The following CFAP119 variants were observed in gnomAD, a reference collection of about 807,000 sequenced individuals.
The protein encoded by CFAP119 is cilia- and flagella-associated protein 119.
chr16:30,760,470 G>A, the CFAP119 span: 3 of 1,613,400 alleles, frequency 1.9e-6, no homozygotes, highest in Non-Finnish European at 2.5e-6. Flanking sequence ...AGGGAGAGAG[G>A]AGTGAGTGAC....
the CFAP119 span, chr16:30,761,580 TCGC>T: frequency 5.2e-6 from 8 of 1,536,104 alleles, no homozygotes; most frequent in Non-Finnish European, 7.0e-6. Flanking sequence ...TCATCCGCTT[TCGC>T]CGCCGCCGCC....
the CFAP119 span, chr16:30,759,735 A>G: frequency 1.2e-6 from 2 of 1,602,456 alleles, no homozygotes; most frequent in East Asian, 2.2e-5. Context: ...CTGGTAGGGA[A>G]AGCAAGATGC....
At chr16:30,757,706 T>C in the CFAP119 span, 9 of 1,554,352 alleles carry the variant, frequency 5.8e-6, no homozygotes, top group African/African-American at 1.2e-4. Flanking sequence ...TGTCTGGCAA[T>C]GGGGGGATGG....
At chr16:30,760,910 A>G in the CFAP119 span, 1 of 615,610 alleles carries the variant, frequency 1.6e-6, no homozygotes, top group Non-Finnish European at 2.9e-6. Context: ...ACTACCTTGT[A>G]TGACCTTGGT....
the CFAP119 span, chr16:30,759,219 A>G: frequency 1.9e-6 from 3 of 1,614,148 alleles, no homozygotes; most frequent in Non-Finnish European, 2.5e-6. Flanking sequence ...CTGTAGCCCC[A>G]TGTAAGTCAA....
At chr16:30,757,783 C>T in the CFAP119 span, 2 of 1,431,356 alleles carry the variant, frequency 1.4e-6, no homozygotes, top group African/African-American at 1.4e-5. Context: ...ATGTTGTTTC[C>T]CTTTAGGAAA....
At chr16:30,761,197 C>A in the CFAP119 span, 2 of 1,613,970 alleles carry the variant, frequency 1.2e-6, no homozygotes, top group Non-Finnish European at 1.7e-6. Flanking sequence ...TTCACACTCA[C>A]CACATGCAGA....
chr16:30,759,498 C>T, the CFAP119 span: 267 of 1,614,192 alleles, frequency 1.7e-4, 1 homozygote, highest in Middle Eastern at 8.3e-4. Flanking sequence ...GACTACCTTC[C>T]GGAGCCCTGG....
At chr16:30,759,586 TGA>T in the CFAP119 span, 1 of 1,614,068 alleles carries the variant, frequency 6.2e-7, no homozygotes, top group Admixed American at 1.7e-5. Context: ...GTGATGAATG[TGA>T]GAGAGACTGG....
At chr16:30,759,056 T>G in the CFAP119 span, 3 of 1,614,242 alleles carry the variant, frequency 1.9e-6, no homozygotes, top group Admixed American at 5.0e-5. Flanking sequence ...TTCCTCTTTC[T>G]GCGGGGTAAC....
the CFAP119 span, chr16:30,758,803 C>G: frequency 1.3e-6 from 1 of 796,200 alleles, no homozygotes; most frequent in Non-Finnish European, 1.9e-6. Context: ...AATCCGCCTG[C>G]CTCAGATTGT....
chr16:30,760,819 TG>T, the CFAP119 span: 2 of 702,418 alleles, frequency 2.8e-6, no homozygotes, highest in African/African-American at 1.7e-5. Context: ...GTTAACTCTC[TG>T]GGCCTAAATG....
chr16:30,761,594 G>T, the CFAP119 span: 1 of 1,536,144 alleles, frequency 6.5e-7, no homozygotes, highest in Non-Finnish European at 8.7e-7. Context: ...CGCCGCCGCC[G>T]TCGTCCACTG....
chr16:30,758,864 A>G, the CFAP119 span: 1 of 1,353,074 alleles, frequency 7.4e-7, no homozygotes, highest in Non-Finnish European at 9.9e-7. Context: ...CTGTGCTTTT[A>G]TCTGTCATCT....
At chr16:30,761,732 G>T in the CFAP119 span, 1 of 1,525,348 alleles carries the variant, frequency 6.6e-7, no homozygotes, top group Admixed American at 2.0e-5. Context: ...AAAGTGGCTG[G>T]TCTTGCGGTT....
the CFAP119 span, chr16:30,758,440 A>G: frequency 3.1e-3 from 491 of 160,094 alleles, no homozygotes; most frequent in African/African-American, 0.011. Flanking sequence ...CTACGTAGGT[A>G]TACATGGGCC....
chr16:30,759,368 G>A, the CFAP119 span: 3 of 1,614,264 alleles, frequency 1.9e-6, no homozygotes, highest in Non-Finnish European at 2.5e-6. Flanking sequence ...TATTTATAGA[G>A]CTTGAAGTGG....
At chr16:30,760,070 ATT>A in the CFAP119 span, 1 of 1,532,276 alleles carries the variant, frequency 6.5e-7, no homozygotes, top group Non-Finnish European at 8.7e-7. Flanking sequence ...TGCATATATT[ATT>A]TCTCAGAACA....
chr16:30,759,369 C>T, the CFAP119 span: 3 of 1,614,220 alleles, frequency 1.9e-6, no homozygotes, highest in Non-Finnish European at 2.5e-6. Flanking sequence ...ATTTATAGAG[C>T]TTGAAGTGGC....
Sources: allele counts gnomAD v4.1 joint callset, GRCh38; gene constraint gnomAD v4.1.1; transcripts MANE v1.5; gene names NCBI Gene and HGNC (gene_info 2026-07-23, HGNC 2026-07-21).